MPHOSPH8: variants seen among roughly 807,000 people sequenced by gnomAD.
MPHOSPH8 encodes M-phase phosphoprotein 8.
In MPHOSPH8, 45 loss-of-function variants were observed where a neutral mutation model predicts 87.3. The observed-to-expected ratio is 0.52, with a 90% confidence interval of 0.41 to 0.66. MPHOSPH8 has a LOEUF of 0.66. MPHOSPH8 is among the 30% of genes least tolerant of loss of function. The probability of loss-of-function intolerance (pLI) is 0.00; values close to 1 mark genes in which losing one functional copy is unlikely to be tolerated. For missense variants in MPHOSPH8, 883 were observed against 1,020.2 expected (o/e 0.87, Z 1.83); for synonymous variants, 366 against 376.9 (o/e 0.97, Z 0.33).
At chr13:19,634,375 C>A (rs1333993442) in intron 1 of MPHOSPH8, among the ~76,000 whole-genome samples, 1 of 152,218 alleles carries the variant, frequency 6.6e-6, no homozygotes, top group Admixed American at 6.5e-5. Flanking sequence ...TTAAAATCTT[C>A]CGGAATTTTC....
intron 9 of MPHOSPH8, among the ~76,000 whole-genome samples, chr13:19,665,074 A>G (rs1023050099): frequency 1.3e-5 from 2 of 151,954 alleles, no homozygotes; most frequent in African/African-American, 4.8e-5. Context: ...TTGCTGAGGT[A>G]CGTGTGTTGA....
intron 5 of MPHOSPH8, among the ~76,000 whole-genome samples, chr13:19,656,690 G>A (rs1875198395): frequency 6.6e-6 from 1 of 152,112 alleles, no homozygotes; most frequent in Non-Finnish European, 1.5e-5. Flanking sequence ...AACCGGGAAG[G>A]CGGAGGTTGC....
intron 1 of MPHOSPH8, among the ~76,000 whole-genome samples, chr13:19,640,847 T>A (rs183729652): frequency 1.5e-4 from 23 of 152,338 alleles, no homozygotes; most frequent in African/African-American, 3.8e-4. Context: ...TATGATGGAA[T>A]AATCTTAAGT....
At chr13:19,639,428 A>G (rs2137498182) in intron 1 of MPHOSPH8, among the ~76,000 whole-genome samples, 1 of 151,880 alleles carries the variant, frequency 6.6e-6, no homozygotes, top group African/African-American at 2.4e-5. Context: ...CTCCTGCCTC[A>G]GGCTCCTGAG....
intron 1 of MPHOSPH8, among the ~76,000 whole-genome samples, chr13:19,639,967 A>G (rs1294356265): frequency 6.6e-6 from 1 of 152,108 alleles, no homozygotes; most frequent in Non-Finnish European, 1.5e-5. Flanking sequence ...TCAGCTGAGC[A>G]TGGTGGTGCC....
chr13:19,660,715 G>A (rs1441341979), intron 7 of MPHOSPH8, among the ~76,000 whole-genome samples: 3 of 152,056 alleles, frequency 2.0e-5, no homozygotes, highest in African/African-American at 4.8e-5. Flanking sequence ...GGTCATTAGA[G>A]TCTTTTTTCA....
chr13:19,669,004 G>A (rs1024748790), intron 11 of MPHOSPH8, among the ~76,000 whole-genome samples: 9 of 152,176 alleles, frequency 5.9e-5, no homozygotes, highest in African/African-American at 1.4e-4. Flanking sequence ...CCAGGTAGAC[G>A]TGGAGGCAGT....
intron 1 of MPHOSPH8, among the ~76,000 whole-genome samples, chr13:19,634,852 T>C (rs946378536): frequency 2.0e-5 from 3 of 152,200 alleles, no homozygotes; most frequent in Non-Finnish European, 2.9e-5. Flanking sequence ...CCCACAGTGG[T>C]CATTCTGTAT....
chr13:19,647,260 G>A lies in MPHOSPH8; in HGVS notation c.1187G>A (p.Arg396Lys). The A allele has an allele frequency of 6.2e-7, 1 of 1,609,462 alleles. No homozygotes were observed. The highest frequency in any genetic ancestry group is 1.1e-5 in the South Asian group (1 of 90,508). The stretch of plus-strand genomic sequence containing the variant: ...GGCCGGAGGTTGAGCGGGGAAGAGA[G>A]AGGCCTCTGGTCCACGGACTCAGCC... ...PKGRRLSGEE[R>K]GLWSTDSAEE... The change falls in exon 3 of 14, where the codon AGA (arginine) becomes AAA (lysine). Residue 396 changes from arginine (R) to lysine (K), a missense_variant. Around this residue, in one of 3 missense-constraint regions of MPHOSPH8, gnomAD observed 741 missense variants for 841.5 expected, o/e 0.88. Transcript: ENST00000361479.
chr13:19,671,244 T>G lies in MPHOSPH8; in HGVS notation c.2496T>G (p.Gly832=). 6.2e-7 allele frequency: 1 copy of G among 1,614,106 alleles called. No homozygotes were observed. Among genetic ancestry groups the G allele is most frequent in the East Asian group, 2.2e-5 (1 of 44,884 alleles). The change falls in exon 13 of 14, where the codon GGT becomes GGG. Residue 832 remains glycine (G), a synonymous_variant. Transcript: ENST00000361479. The stretch of plus-strand genomic sequence containing the variant: ...TTTACTCATTCAGCCCTGTTGCAGG[T>G]CCCAATAAACTCTTCATAAGGTTGA... ...HFVYSFSPVA[G]PNKLFIRLTE...
At chr13:19,636,789 T>G (rs888669931) in intron 1 of MPHOSPH8, among the ~76,000 whole-genome samples, 37 of 152,202 alleles carry the variant, frequency 2.4e-4, no homozygotes, top group Non-Finnish European at 4.4e-5. Context: ...TTTTTTAATT[T>G]TTTTAACAAA....
intron 11 of MPHOSPH8, among the ~76,000 whole-genome samples, chr13:19,669,595 G>A (rs543374352): frequency 2.0e-5 from 3 of 147,612 alleles, no homozygotes; most frequent in East Asian, 2.0e-4. Flanking sequence ...TGCAACCTCC[G>A]CCTCCTGGGT....
intron 11 of MPHOSPH8, among the ~76,000 whole-genome samples, 165 bp from the exon 12 acceptor site, chr13:19,670,071 G>A (rs1457275774): frequency 1.3e-5 from 2 of 152,230 alleles, no homozygotes; most frequent in Non-Finnish European, 2.9e-5. Context: ...AATGCCAGGT[G>A]ACACGAGCTT....
At chr13:19,670,165 C>G (rs1876043604) in intron 11 of MPHOSPH8, 71 bp from the exon 12 acceptor site, 5 of 1,577,258 alleles carry the variant, frequency 3.2e-6, no homozygotes, top group Non-Finnish European at 4.3e-6. Flanking sequence ...CTGCTTCCAT[C>G]TGGTGTTGAG....
At chr13:19,638,100 C>CAA (rs56291104) in intron 1 of MPHOSPH8, among the ~76,000 whole-genome samples, 6 of 132,322 alleles carry the variant, frequency 4.5e-5, no homozygotes, top group Non-Finnish European at 5.0e-5. Context: ...GACTCCATCT[C>CAA]AAAAAAAAAA....
intron 12 of MPHOSPH8, 112 bp from the exon 13 acceptor site, chr13:19,671,094 C>G: frequency 6.8e-7 from 1 of 1,481,110 alleles, no homozygotes; most frequent in Non-Finnish European, 8.9e-7. Context: ...AACATCTTGA[C>G]TTATGAAATA....
chr13:19,653,743 C>T (rs1174013211), intron 5 of MPHOSPH8, among the ~76,000 whole-genome samples: 4 of 152,058 alleles, frequency 2.6e-5, no homozygotes, highest in Non-Finnish European at 1.5e-5. Flanking sequence ...AAACACAGCA[C>T]GAGAACTTCA....
intron 2 of MPHOSPH8, among the ~76,000 whole-genome samples, chr13:19,644,576 G>A (rs933233438): frequency 6.6e-5 from 10 of 152,320 alleles, no homozygotes; most frequent in East Asian, 1.9e-4. Flanking sequence ...AGTACCGGAC[G>A]TCTCAAAGTG....
chr13:19,634,395 T>C (rs1317993661), intron 1 of MPHOSPH8, among the ~76,000 whole-genome samples: 6 of 152,228 alleles, frequency 3.9e-5, no homozygotes, highest in Non-Finnish European at 8.8e-5. Context: ...CATTTGCCCT[T>C]GGAGTAAAAT....
Sources: allele counts gnomAD v4.1 joint callset (sites outside exome capture counted in the v4.1 genomes callset), GRCh38; gene constraint gnomAD v4.1.1; regional missense constraint gnomAD v4.1.1; transcripts MANE v1.5; gene names NCBI Gene and HGNC (gene_info 2026-07-23, HGNC 2026-07-21).